The following GLIPR1L2 variants were observed in gnomAD, a reference collection of about 807,000 sequenced individuals.
GLIPR1L2 encodes GLIPR1-like protein 2.
A neutral mutation model predicts 28.4 loss-of-function variants in GLIPR1L2; 21 were observed. The observed-to-expected ratio is 0.74, with a 90% CI of 0.52 to 1.06. The LOEUF (loss-of-function observed/expected upper bound fraction) is 1.06, where lower values mean the gene tolerates loss of function less well. Among genes scored for constraint, GLIPR1L2 ranks in the 50% least tolerant of loss-of-function variants. The pLI, the probability that GLIPR1L2 is intolerant of heterozygous loss-of-function variation, is 0.00. For synonymous variants in GLIPR1L2, 145 were observed against 139.3 expected (o/e 1.04, Z -0.29); for missense variants, 476 against 416.9 (o/e 1.14, Z -1.23).
At chr12:75,429,621 A>G (rs1170590763) in intron 4 of GLIPR1L2, among the ~76,000 whole-genome samples, 1 of 152,062 alleles carries the variant, frequency 6.6e-6, no homozygotes, top group Non-Finnish European at 1.5e-5. Context: ...GCAGAATGAT[A>G]TGGTTTGGCT....
intron 2 of GLIPR1L2, among the ~76,000 whole-genome samples, chr12:75,412,375 A>T (rs1246027134): frequency 6.6e-6 from 1 of 152,122 alleles, no homozygotes; most frequent in African/African-American, 2.4e-5. Flanking sequence ...GCTTCTGCAC[A>T]GCAAAAGAAA....
intron 3 of GLIPR1L2, among the ~76,000 whole-genome samples, chr12:75,421,547 A>T (rs2139958666): frequency 1.3e-5 from 2 of 152,352 alleles, no homozygotes; most frequent in Middle Eastern, 3.4e-3. Flanking sequence ...CCAGGTAAAT[A>T]GGCAATACTG....
At position 75,431,316 on chromosome 12, in the gene GLIPR1L2, A is replaced by G; in HGVS notation, c.*155A>G. 1 of 510,880 alleles carries G rather than the reference A, an allele frequency of 2.0e-6. No homozygotes were observed. The highest frequency in any genetic ancestry group is 3.4e-6 in the Non-Finnish European group (1 of 292,888). 31.6% of individuals were successfully genotyped at this position (510,880 alleles called of 1,614,324 possible). On this transcript the variant is annotated 3_prime_UTR_variant, in exon 6 of 6. Coordinates refer to ENST00000550916, the MANE Select transcript of GLIPR1L2 (RefSeq NM_001270396.2). ...AATGTTTTTTATTCCCTTCTCTCCT[A>G]TACTTATTCAATCAATTTAAATTTG... is the stretch of plus-strand genomic sequence containing the variant.
Position 75,409,640 on chromosome 12 carries a change from G to A in GLIPR1L2, c.235-794G>A, listed in dbSNP as rs575940419. On this transcript the variant is annotated intron_variant, in intron 1 of 5. Coordinates refer to ENST00000550916, the MANE Select transcript of GLIPR1L2 (RefSeq NM_001270396.2). The stretch of plus-strand genomic sequence containing the variant: ...TTCTCTAATCTTATATATATATATA[G>A]GATCTTATATATATAATATATATGT... Among the ~76,000 whole-genome samples the A allele has an allele frequency of 6.2e-4, 87 of 140,968 alleles. 1 individual carries two copies. The highest frequency in any genetic ancestry group is 2.0e-3 in the African/African-American group (79 of 38,916). 92.5% of individuals were successfully genotyped at this position (140,968 alleles called of 152,430 possible).
At chr12:75,426,796 C>A (rs1288066389) in intron 4 of GLIPR1L2, among the ~76,000 whole-genome samples, 2 of 152,114 alleles carry the variant, frequency 1.3e-5, no homozygotes, top group Non-Finnish European at 2.9e-5. Context: ...TAAGAAGTGT[C>A]AACCAAGAAT....
At chr12:75,422,001 A>ATTTC (rs2045981122) in intron 3 of GLIPR1L2, among the ~76,000 whole-genome samples, 4 of 137,956 alleles carry the variant, frequency 2.9e-5, no homozygotes, top group African/African-American at 7.9e-5. Context: ...TTATTTCTTT[A>ATTTC]TTTATTTTAG....
At chr12:75,412,896 G>A (rs1361892262) in intron 2 of GLIPR1L2, among the ~76,000 whole-genome samples, 10 of 151,770 alleles carry the variant, frequency 6.6e-5, no homozygotes, top group East Asian at 3.9e-4. Context: ...ACATGCACAC[G>A]TATGTTTATT....
intron 4 of GLIPR1L2, chr12:75,423,519 G>A (rs1196713745): frequency 1.3e-6 from 1 of 758,560 alleles, no homozygotes; most frequent in Non-Finnish European, 1.6e-6. Context: ...ACAATGCTTA[G>A]AGGAATATGG....
intron 1 of GLIPR1L2, 102 bp downstream of exon 1, chr12:75,391,452 C>T: frequency 6.3e-7 from 1 of 1,586,570 alleles, no homozygotes; most frequent in Non-Finnish European, 8.6e-7. Flanking sequence ...TGAAGGATCG[C>T]GGAGAACCGC....
chr12:75,405,406 A>G (rs2045786591), intron 1 of GLIPR1L2, among the ~76,000 whole-genome samples: 1 of 152,128 alleles, frequency 6.6e-6, no homozygotes, highest in Non-Finnish European at 1.5e-5. Flanking sequence ...TAACATGGGG[A>G]AGAAGAAGAG....
At chr12:75,426,189 C>G (rs924859932) in intron 4 of GLIPR1L2, among the ~76,000 whole-genome samples, 8 of 152,222 alleles carry the variant, frequency 5.3e-5, no homozygotes, top group South Asian at 4.1e-4. Context: ...ACACAGTAGA[C>G]ATAGACTAGT....
At chr12:75,421,383 G>T (rs1168106117) in intron 3 of GLIPR1L2, among the ~76,000 whole-genome samples, 1 of 152,150 alleles carries the variant, frequency 6.6e-6, no homozygotes, top group East Asian at 1.9e-4. Flanking sequence ...GCCTTATTGG[G>T]TATCACCCAA....
chr12:75,419,296 G>A (rs1056425122), intron 3 of GLIPR1L2, among the ~76,000 whole-genome samples: 1 of 152,192 alleles, frequency 6.6e-6, no homozygotes, highest in African/African-American at 2.4e-5. Flanking sequence ...CTGGAAGGAG[G>A]ATAGGAGGTT....
Position 75,391,169 on chromosome 12 carries a change from T to C in GLIPR1L2, c.53T>C (p.Leu18Pro). The C allele has an allele frequency of 6.2e-7, 1 of 1,614,180 alleles. No individual in the cohort carries two copies. Among genetic ancestry groups the C allele is most frequent in the Non-Finnish European group, 8.5e-7 (1 of 1,180,002 alleles). ...GAGTGGAGGGCCCAGTCCCTACCCC[T>C]GGCAGTAGGGGGCGTTTTGAAGCTG... ...AREWRAQSLP[L>P]AVGGVLKLRL... The change falls in exon 1 of 6, where the codon CTG becomes CCG. Residue 18 changes from leucine to proline, a missense_variant. Physicochemically the swap from Leu to Pro is moderately conservative, Grantham distance 98 (BLOSUM62 -3). Coordinates refer to ENST00000550916, the MANE Select transcript of GLIPR1L2 (RefSeq NM_001270396.2).
intron 3 of GLIPR1L2, among the ~76,000 whole-genome samples, chr12:75,418,296 C>T (rs2139954327): frequency 6.6e-6 from 1 of 152,192 alleles, no homozygotes; most frequent in Admixed American, 6.5e-5. Flanking sequence ...GTTTTTCACT[C>T]ATCTTAGAGG....
intron 1 of GLIPR1L2, 39 bp downstream of exon 1, chr12:75,391,389 G>GT (rs1555230705): frequency 1.3e-5 from 21 of 1,605,936 alleles, no homozygotes; most frequent in Non-Finnish European, 1.6e-5. Flanking sequence ...TTCCACTACC[G>GT]TTGCCACAAC....
At chr12:75,404,198 A>G (rs1484875531) in intron 1 of GLIPR1L2, among the ~76,000 whole-genome samples, 1 of 152,082 alleles carries the variant, frequency 6.6e-6, no homozygotes, top group African/African-American at 2.4e-5. Context: ...ATCTCTATAT[A>G]TGTCTCTCTC....
intron 1 of GLIPR1L2, among the ~76,000 whole-genome samples, chr12:75,407,674 T>C (rs201157358): frequency 6.6e-6 from 1 of 152,052 alleles, no homozygotes; most frequent in African/African-American, 2.4e-5. Context: ...AGAAAAGTAA[T>C]TGTAATGTAA....
At chr12:75,401,348 G>T (rs1015180889) in intron 1 of GLIPR1L2, among the ~76,000 whole-genome samples, 4 of 149,928 alleles carry the variant, frequency 2.7e-5, no homozygotes, top group African/African-American at 4.9e-5. Flanking sequence ...ATATAGAAAT[G>T]AAGACTAAAG....
Sources: allele counts gnomAD v4.1 joint callset (sites outside exome capture counted in the v4.1 genomes callset), GRCh38; gene constraint gnomAD v4.1.1; transcripts MANE v1.5; gene names NCBI Gene and HGNC (gene_info 2026-07-23, HGNC 2026-07-21).